Variants in G3BP1 observed in about 807,000 individuals in gnomAD.
G3BP1 encodes the protein ras GTPase-activating protein-binding protein 1.
A neutral mutation model predicts 58.6 loss-of-function variants in G3BP1; 35 were observed. That is an observed-to-expected ratio of 0.60 (90% confidence interval 0.46 to 0.79). The LOEUF (loss-of-function observed/expected upper bound fraction) is 0.79. G3BP1 is among the 30% of genes least tolerant of loss of function. The pLI, the probability that G3BP1 is intolerant of heterozygous loss-of-function variation, is 0.00. For missense variants in G3BP1, 523 were observed against 580.8 expected, an observed-to-expected ratio of 0.90 and a Z score of 1.02; for synonymous variants, 191 against 195.4, an observed-to-expected ratio of 0.98 and a Z score of 0.19.
chr5:151,793,679 AG>A (rs1455310167), intron 4 of G3BP1, among the ~76,000 whole-genome samples: 1 of 152,026 alleles, frequency 6.6e-6, no homozygotes, highest in Non-Finnish European at 1.5e-5. Context: ...ATAAGTTGTC[AG>A]TAGCATTCCA....
intron 1 of G3BP1, among the ~76,000 whole-genome samples, chr5:151,775,888 G>A (rs1006142239): frequency 9.2e-5 from 14 of 152,308 alleles, no homozygotes; most frequent in Non-Finnish European, 1.9e-4. Context: ...TTGAGATAAA[G>A]TAAGATTTGT....
At chr5:151,791,841 G>C (rs900528476) in intron 4 of G3BP1, 3 of 305,798 alleles carry the variant, frequency 9.8e-6, no homozygotes, top group African/African-American at 6.7e-5. Flanking sequence ...ATTTTTAGTA[G>C]TGATGGGGTT....
intron 2 of G3BP1, chr5:151,787,644 C>T (rs1762573596): frequency 5.5e-6 from 1 of 182,510 alleles, no homozygotes. Context: ...ATTATTTTCT[C>T]TTACAATGTC....
chr5:151,793,522 C>T (rs1762696249), intron 4 of G3BP1, among the ~76,000 whole-genome samples: 1 of 152,116 alleles, frequency 6.6e-6, no homozygotes, highest in African/African-American at 2.4e-5. Context: ...TCTGAGCAAA[C>T]AAAATGTATG....
intron 1 of G3BP1, among the ~76,000 whole-genome samples, chr5:151,783,706 C>G (rs1408321852): frequency 1.3e-5 from 2 of 151,234 alleles, no homozygotes; most frequent in African/African-American, 2.4e-5. Context: ...CTGAGAATAA[C>G]AAAATTACTC....
rs1349367817 is a variant in G3BP1, at chr5:151,786,671, A to T, written c.51A>T (p.Arg17Ser). 1 of 1,613,168 alleles carries T rather than the reference A, an allele frequency of 6.2e-7. No individual in the cohort carries two copies. Among genetic ancestry groups the T allele is most frequent in the Admixed American group, 1.7e-5 (1 of 59,984 alleles). Residue 17 changes from arginine (R) to serine (S), a missense_variant, in exon 2 of 12, where the codon AGA becomes AGT. Transcript: ENST00000356245. The stretch of plus-strand genomic sequence containing the variant: ...TGCTGGTCGGGCGGGAATTTGTGAG[A>T]CAGTATTACACACTGCTGAACCAGG... ...SPLLVGREFV[R>S]QYYTLLNQAP...
At chr5:151,781,370 T>C (rs1370225855) in intron 1 of G3BP1, among the ~76,000 whole-genome samples, 1 of 152,242 alleles carries the variant, frequency 6.6e-6, no homozygotes, top group Non-Finnish European at 1.5e-5. Context: ...CTGTAAATAT[T>C]GCAATGTGCT....
At chr5:151,791,781 C>T (rs1450045861) in intron 4 of G3BP1, 3 of 199,050 alleles carry the variant, frequency 1.5e-5, no homozygotes, top group South Asian at 7.5e-5. Flanking sequence ...CTCAGCCTCC[C>T]GAGTAGCTGG....
Position 151,804,027 on chromosome 5 carries a change from C to T in G3BP1, c.1337C>T (p.Pro446Leu). The change falls in exon 12 of 12, where the codon CCC becomes CTC. Residue 446 changes from proline (P) to leucine (L), a missense_variant. By Grantham distance (98) the Pro-to-Leu change is moderately conservative. Transcript: ENST00000356245. ...GGLGGGMRGP[P>L]RGGMVQKPGF... ...CTGGGTGGTGGAATGAGAGGCCCTC[C>T]CCGTGGAGGCATGGTGCAGAAACCA... is the stretch of plus-strand genomic sequence containing the variant. 2.5e-6 allele frequency: 4 copies of T among 1,613,186 alleles called. No individual in the cohort carries two copies. Among genetic ancestry groups the T allele is most frequent in the Non-Finnish European group, 3.4e-6 (4 of 1,179,648 alleles).
In G3BP1 at chr5:151,794,144, C is replaced by T. The variant is rs1479836157; in HGVS notation, c.352-15C>T. 4 of 1,495,572 alleles carry T rather than the reference C, an allele frequency of 2.7e-6. No homozygotes were observed. The South Asian group carries it at 4.5e-5, about 17-fold the overall frequency. 92.6% of individuals were successfully genotyped at this position (1,495,572 alleles called of 1,614,324 possible). ...AGTCTGTTGAATAAATTAAAACTTT[C>T]TGTTGGCATTGCAGGGGTCTGTTGC... On this transcript the variant is annotated splice_polypyrimidine_tract_variant and intron_variant, in intron 4 of 11. Transcript: ENST00000356245.
chr5:151,774,760 A>G (rs1762339036), intron 1 of G3BP1, among the ~76,000 whole-genome samples: 1 of 151,372 alleles, frequency 6.6e-6, no homozygotes. Flanking sequence ...GTAATTTGTC[A>G]AAAGCAAGTG....
chr5:151,797,151 G>T, intron 6 of G3BP1, 76 bp from the exon 7 acceptor site: 1 of 1,424,088 alleles, frequency 7.0e-7, no homozygotes, highest in Non-Finnish European at 9.7e-7. Context: ...TCTGGTTTCT[G>T]ATTAATAAAT....
chr5:151,800,900 T>G, intron 11 of G3BP1, 31 bp downstream of exon 11: 1 of 1,137,166 alleles, frequency 8.8e-7, no homozygotes, highest in Non-Finnish European at 1.3e-6. Context: ...ATTTTTTTTT[T>G]TTTTTTTTAA....
chr5:151,784,561 AACTT>A (rs1279958946), intron 1 of G3BP1, among the ~76,000 whole-genome samples: 1 of 152,190 alleles, frequency 6.6e-6, no homozygotes, highest in Non-Finnish European at 1.5e-5. Flanking sequence ...GCTCTTAAAA[AACTT>A]AATATTTGGG....
chr5:151,795,149 C>T (rs79233852), intron 5 of G3BP1, among the ~76,000 whole-genome samples: 3,247 of 152,224 alleles, frequency 0.021, 46 homozygotes, highest in South Asian at 0.073. Flanking sequence ...TGGTGGCAGG[C>T]GCCTTAGTCC....
intron 8 of G3BP1, 27 bp from the exon 9 acceptor site, chr5:151,799,862 C>T (rs1181833587): frequency 1.5e-6 from 2 of 1,354,142 alleles, no homozygotes; most frequent in Admixed American, 1.8e-5. Context: ...TTTGTTTTAA[C>T]ACAAAAGTTA....
chr5:151,790,396 G>A lies in G3BP1; in HGVS notation c.169G>A (p.Gly57Arg). Residue 57 changes from glycine (G) to arginine (R), a missense_variant, in exon 3 of 12, where the codon GGA becomes AGA. By Grantham distance (125) the Gly-to-Arg change is moderately radical. Transcript: ENST00000356245. ...TGGAAAGCCAGCAGATGCAGTCTAC[G>A]GACAGAAAGTAAGCATTTCAAGCCT... is the stretch of plus-strand genomic sequence containing the variant. ...SNGKPADAVYGQKEIHRKVMS... is the reference protein window; with the variant it reads ...SNGKPADAVYRQKEIHRKVMS... 3 of 1,568,102 alleles carry A rather than the reference G, an allele frequency of 1.9e-6. No individual in the cohort carries two copies. The highest frequency in any genetic ancestry group is 2.6e-6 in the Non-Finnish European group (3 of 1,152,514).
chr5:151,798,322 C>T (rs928196835), intron 7 of G3BP1, among the ~76,000 whole-genome samples: 9 of 151,996 alleles, frequency 5.9e-5, no homozygotes, highest in Non-Finnish European at 1.2e-4. Context: ...GCATTCCAGC[C>T]TGGGTAATAG....
At chr5:151,778,640 C>T (rs1357610328) in intron 1 of G3BP1, among the ~76,000 whole-genome samples, 1 of 151,936 alleles carries the variant, frequency 6.6e-6, no homozygotes, top group African/African-American at 2.4e-5. Flanking sequence ...TGGGGTTTCA[C>T]CATGTTGGCC....
Sources: gnomAD v4.1 joint callset for allele counts (sites outside exome capture counted in the v4.1 genomes callset) on GRCh38, gnomAD v4.1.1 for gene constraint, MANE v1.5 for transcripts, NCBI Gene and HGNC (gene_info 2026-07-23, HGNC 2026-07-21) for gene names.